The following ATG2B variants were observed in gnomAD, a reference collection of about 807,000 sequenced individuals.
ATG2B encodes autophagy-related protein 2 homolog B.
A neutral mutation model predicts 241.3 loss-of-function variants in ATG2B; 121 were observed. That is an observed-to-expected ratio of 0.50 (90% CI 0.43 to 0.58). The LOEUF is 0.58. Ranked by LOEUF, ATG2B falls within the 20% of genes least tolerant of loss-of-function variation. The probability of loss-of-function intolerance (pLI) is 0.00; values close to 1 mark genes in which losing one functional copy is unlikely to be tolerated. For synonymous variants in ATG2B, 858 were observed against 876.6 expected, an observed-to-expected ratio of 0.98 and a Z score of 0.37; for missense variants, 2,306 against 2,491.6, an observed-to-expected ratio of 0.93 and a Z score of 1.59.
chr14:96,312,279 C>T lies in ATG2B; in HGVS notation c.3843-120G>A, dbSNP rs565325494. 2.9e-5 allele frequency: 20 copies of T among 682,784 alleles called. No individual in the cohort carries two copies. In the Admixed American group the frequency reaches 6.1e-4, roughly 21 times the overall value. The allele number at this position is 682,784 out of a possible 1,614,324, so 42.3% of individuals were successfully genotyped here. A position where few individuals can be genotyped will look rare whatever the true frequency, so the allele number is the denominator to read the frequency against. ...GTATGAACATTGTTGAAATCATAAG[C>T]AGTTTCTAACTTATAACTGTCATCT... On this transcript the variant is annotated intron_variant, in intron 25 of 41. Coordinates refer to ENST00000359933, the MANE Select transcript of ATG2B (RefSeq NM_018036.7).
chr14:96,310,700 T>A (rs1280758673), intron 28 of ATG2B, among the ~76,000 whole-genome samples: 1 of 152,162 alleles, frequency 6.6e-6, no homozygotes, highest in Non-Finnish European at 1.5e-5. Flanking sequence ...AACTGGATTG[T>A]CTTAGAGATA....
intron 31 of ATG2B, among the ~76,000 whole-genome samples, chr14:96,304,977 A>AAAT (rs1388435549): frequency 6.6e-6 from 1 of 151,788 alleles, no homozygotes; most frequent in East Asian, 2.0e-4. Flanking sequence ...CTAATACACA[A>AAAT]AATAATTATA....
rs34674555 is a variant in ATG2B at position 96,304,615 on chromosome 14, CAA to C, written c.4734-14_4734-13del. 321,852 of 1,207,626 alleles carry C rather than the reference CAA, an allele frequency of 0.27. 18,992 individuals carry two copies. The highest frequency in any genetic ancestry group is 0.3 in the Middle Eastern group (1,317 of 4,366). The allele number at this position is 1,207,626 out of a possible 1,614,324, so 74.8% of individuals were successfully genotyped here. ...AACTGTGGGGACTACTAAAAATGAG[CAA>C]AAAAAAAAAAAACCCTTTTGTTAAA... On this transcript the variant is annotated splice_polypyrimidine_tract_variant and intron_variant, in intron 31 of 41. Coordinates refer to ENST00000359933, the MANE Select transcript of ATG2B (RefSeq NM_018036.7).
chr14:96,328,645 G>T, intron 13 of ATG2B, 29 bp downstream of exon 13: 1 of 1,569,322 alleles, frequency 6.4e-7, no homozygotes, highest in Non-Finnish European at 8.7e-7. Context: ...AAAATTTACA[G>T]GTGGCAATTA....
chr14:96,353,763 T>C (rs770493299), intron 1 of ATG2B, among the ~76,000 whole-genome samples: 17 of 151,930 alleles, frequency 1.1e-4, no homozygotes, highest in Non-Finnish European at 1.6e-4. Context: ...TTTCAATTTA[T>C]ATGTTTTTAT....
In ATG2B at chr14:96,294,223, C is replaced by T. The variant is rs549195603; in HGVS notation, c.5426+737G>A. Among the ~76,000 whole-genome samples the T allele has an allele frequency of 2.1e-4, 32 of 152,308 alleles. No homozygotes were observed. In the South Asian group the frequency reaches 6.2e-3, roughly 30 times the overall value. ...TAGAGAGAAAGAGAGAAATCAGCAACCCGGGACATATGAGAAAGCAGCACA... is the reference window on the plus strand; with the variant it reads ...TAGAGAGAAAGAGAGAAATCAGCAATCCGGGACATATGAGAAAGCAGCACA... On this transcript the variant is annotated intron_variant, in intron 36 of 41. Transcript: ENST00000359933.
chr14:96,334,771 T>C (rs978115990), intron 6 of ATG2B, among the ~76,000 whole-genome samples: 1 of 152,206 alleles, frequency 6.6e-6, no homozygotes, highest in African/African-American at 2.4e-5. Context: ...TCTGAGTACT[T>C]AAAAGTATTT....
Position 96,363,065 on chromosome 14 carries a change from G to A in ATG2B, c.-89C>T, listed in dbSNP as rs564256279. On this transcript the variant is annotated 5_prime_UTR_variant, in exon 1 of 42. Transcript: ENST00000359933. ...CGACTCCGGCTCCAGGCCGCGGCGG[G>A]GCCTAAGCCTGGGGCGGCCCCTCCA... 4.6e-5 allele frequency: 69 copies of A among 1,504,200 alleles called. No homozygotes were observed. Among genetic ancestry groups the A allele is most frequent in the Non-Finnish European group, 6.0e-5 (65 of 1,089,814 alleles). 93.2% of individuals were successfully genotyped at this position (1,504,200 alleles called of 1,614,324 possible). A position where few individuals can be genotyped will look rare whatever the true frequency, so the allele number is the denominator to read the frequency against.
chr14:96,289,209 C>T lies in ATG2B; in HGVS notation c.6006+447G>A, dbSNP rs1886415811. Among the ~76,000 whole-genome samples, 2 of 152,076 alleles carry T rather than the reference C, an allele frequency of 1.3e-5. No individual in the cohort carries two copies. Among genetic ancestry groups the T allele is most frequent in the African/African-American group, 2.4e-5 (1 of 41,406 alleles). On this transcript the variant is annotated intron_variant, in intron 41 of 41. Transcript: ENST00000359933. This position sits in a 1 kb window ranked among gnomAD's most constrained non-coding sequence, Gnocchi z 4.3. ...AATACATACTAAATAAAAATACATACATAATAAAACTATATAAAAACATGT... is the reference window on the plus strand; with the variant it reads ...AATACATACTAAATAAAAATACATATATAATAAAACTATATAAAAACATGT...
rs1337082116 is a variant in ATG2B at position 96,308,199 on chromosome 14, C to CAT, written c.4303+1252_4303+1253dup. ...ATATAAATACATAAATATATATATA[C>CAT]ATATATATATAAATACATAAATATA... On this transcript the variant is annotated intron_variant, in intron 29 of 41. Transcript: ENST00000359933. Among the ~76,000 whole-genome samples the CAT allele has an allele frequency of 8.1e-5, 9 of 111,276 alleles. No homozygotes were observed. The East Asian group carries it at 1.3e-3, about 16-fold the overall frequency. 73.0% of individuals were successfully genotyped at this position (111,276 alleles called of 152,430 possible).
intron 25 of ATG2B, 57 bp from the exon 26 acceptor site, chr14:96,312,216 C>T: frequency 8.3e-7 from 1 of 1,204,714 alleles, no homozygotes; most frequent in East Asian, 2.4e-5. Flanking sequence ...GTATCATACC[C>T]CATAATCACT....
intron 1 of ATG2B, among the ~76,000 whole-genome samples, chr14:96,358,798 T>C (rs866933281): frequency 3.3e-5 from 5 of 151,596 alleles, no homozygotes; most frequent in African/African-American, 1.2e-4. Context: ...AACGAGAAAA[T>C]AACTCTTAAA....
rs61740264 is a variant in ATG2B at position 96,345,242 on chromosome 14, T to C, written c.469A>G (p.Ile157Val). The change falls in exon 3 of 42, where the codon ATT (isoleucine) becomes GTT (valine). Residue 157 changes from isoleucine to valine, a missense_variant. Physicochemically the swap from Ile to Val is conservative, Grantham distance 29. Coordinates refer to ENST00000359933, the MANE Select transcript of ATG2B (RefSeq NM_018036.7). ...FEGLEKFAET[I>V]ETVLRRVKVT... is the part of the protein sequence containing the mutation. ...CTCAGTAACACCAAACCTGTTTCAA[T>C]GGTTTCAGCAAACTTTTCAAGTCCT... The C allele has an allele frequency of 3.1e-6, 5 of 1,609,912 alleles. No homozygotes were observed. Among genetic ancestry groups the C allele is most frequent in the Non-Finnish European group, 4.2e-6 (5 of 1,178,698 alleles).
chr14:96,355,589 A>G (rs1888451366), intron 1 of ATG2B, among the ~76,000 whole-genome samples: 1 of 152,188 alleles, frequency 6.6e-6, no homozygotes. Context: ...GTGACCATTA[A>G]TGAGGTAATA....
chr14:96,327,691 G>A (rs976813594), intron 14 of ATG2B, among the ~76,000 whole-genome samples: 1 of 151,994 alleles, frequency 6.6e-6, no homozygotes, highest in Non-Finnish European at 1.5e-5. Context: ...CATATTTCTC[G>A]CCATTCTTTT....
intron 1 of ATG2B, among the ~76,000 whole-genome samples, chr14:96,350,395 T>C (rs967608811): frequency 7.2e-5 from 11 of 152,040 alleles, no homozygotes; most frequent in Non-Finnish European, 5.9e-5. Context: ...AAGAACAACA[T>C]GACAGAGAAG....
rs1488930684 is a variant in ATG2B at position 96,331,635 on chromosome 14, G to C, written c.1471C>G (p.Leu491Val). 6.3e-7 allele frequency: 1 copy of C among 1,586,072 alleles called. No individual in the cohort carries two copies. The highest frequency in any genetic ancestry group is 8.5e-7 in the Non-Finnish European group (1 of 1,170,416). ...TCCACTGAAACAGATCTAGATGGGA[G>C]AGCTAAAATACAAGTATTAAAATTA... ...VHPTPLQKTS[L>V]PSRSVSVDES... Residue 491 changes from leucine (L) to valine (V), a missense_variant and splice_region_variant, in exon 11 of 42, where the codon CTC becomes GTC. By Grantham distance (32) the Leu-to-Val change is conservative. This residue lies in a region of ATG2B where 1,927 missense variants were observed against 2,011.2 expected (regional missense o/e 0.96). Coordinates refer to ENST00000359933, the MANE Select transcript of ATG2B (RefSeq NM_018036.7).
At chr14:96,325,394 G>C (rs540219681) in intron 15 of ATG2B, among the ~76,000 whole-genome samples, 1 of 152,202 alleles carries the variant, frequency 6.6e-6, no homozygotes, top group African/African-American at 2.4e-5. Flanking sequence ...AAAAATGTAG[G>C]CTAAAGTACT....
Position 96,312,253 on chromosome 14 carries a change from G to C in ATG2B, c.3843-94C>G, listed in dbSNP as rs1887179741. Reference sequence around the variant, plus strand: ...TATGCTTAATTGCATCATTCTTTCTGGTATGAACATTGTTGAAATCATAAG... The same window carrying C: ...TATGCTTAATTGCATCATTCTTTCTCGTATGAACATTGTTGAAATCATAAG... On this transcript the variant is annotated intron_variant, in intron 25 of 41. Coordinates refer to ENST00000359933, the MANE Select transcript of ATG2B (RefSeq NM_018036.7). 42 of 823,744 alleles carry C rather than the reference G, an allele frequency of 5.1e-5. 1 individual carries two copies. The South Asian group carries it at 6.7e-4, about 13-fold the overall frequency. 51.0% of individuals were successfully genotyped at this position (823,744 alleles called of 1,614,324 possible).
Sources: gnomAD v4.1 joint callset for allele counts (sites outside exome capture counted in the v4.1 genomes callset) on GRCh38, gnomAD v4.1.1 for gene constraint, gnomAD v4.1.1 regional missense constraint, Gnocchi (gnomAD v3.1) non-coding constraint, MANE v1.5 for transcripts, NCBI Gene and HGNC (gene_info 2026-07-23, HGNC 2026-07-21) for gene names.